The following OOSP3 variants were observed in gnomAD, a reference collection of about 807,000 sequenced individuals.
OOSP3 encodes the protein oocyte-secreted protein 3.
intron 2 of OOSP3, among the ~76,000 whole-genome samples, chr11:59,891,258 T>C (rs1853309728): frequency 6.6e-6 from 1 of 152,238 alleles, no homozygotes. Flanking sequence ...TTACCCACTT[T>C]CTGAAGCCTA....
chr11:59,892,879 A>AT (rs373732896), intron 2 of OOSP3, among the ~76,000 whole-genome samples: 11 of 148,326 alleles, frequency 7.4e-5, no homozygotes, highest in Admixed American at 3.4e-4. Context: ...AGATTCTATC[A>AT]TTTTTTTCTT....
chr11:59,880,976 T>G (rs536768932), intron 2 of OOSP3, among the ~76,000 whole-genome samples: 2 of 152,322 alleles, frequency 1.3e-5, no homozygotes, highest in South Asian at 4.1e-4. Flanking sequence ...ATGTTGTTTC[T>G]AATTTTGACA....
At chr11:59,884,896 C>A (rs187948162) in intron 2 of OOSP3, among the ~76,000 whole-genome samples, 5 of 152,146 alleles carry the variant, frequency 3.3e-5, no homozygotes, top group African/African-American at 1.2e-4. Flanking sequence ...CTAGCTAGAA[C>A]CTCCAGTACA....
At chr11:59,888,437 G>A (rs971955357) in intron 2 of OOSP3, among the ~76,000 whole-genome samples, 1 of 152,132 alleles carries the variant, frequency 6.6e-6, no homozygotes, top group Non-Finnish European at 1.5e-5. Flanking sequence ...CTGTGGGTTT[G>A]TCATAAATGG....
At chr11:59,886,194 T>C (rs1439568472) in intron 2 of OOSP3, among the ~76,000 whole-genome samples, 4 of 152,210 alleles carry the variant, frequency 2.6e-5, no homozygotes, top group Non-Finnish European at 5.9e-5. Flanking sequence ...GGCTTCCAGC[T>C]TCACCTAAGT....
chr11:59,880,837 G>T (rs1163777475), intron 2 of OOSP3, among the ~76,000 whole-genome samples: 1 of 152,134 alleles, frequency 6.6e-6, no homozygotes, highest in Admixed American at 6.5e-5. Flanking sequence ...TTGGTAAATT[G>T]GGATTTACAT....
intron 2 of OOSP3, among the ~76,000 whole-genome samples, chr11:59,881,802 C>T (rs1165203630): frequency 6.6e-6 from 1 of 151,928 alleles, no homozygotes; most frequent in African/African-American, 2.4e-5. Flanking sequence ...ACCTGGGAGG[C>T]AGAGGTTGCA....
At chr11:59,880,183 G>T (rs1048335494) in intron 1 of OOSP3, 78 bp from the exon 2 acceptor site, 1 of 396,872 alleles carries the variant, frequency 2.5e-6, no homozygotes, top group Non-Finnish European at 4.4e-6. Flanking sequence ...GTTTAAATAT[G>T]CTATGTTCAG....
chr11:59,880,301 T>A (rs1460558933), exon 2 of OOSP3: 8 of 398,474 alleles, frequency 2.0e-5, no homozygotes, highest in Non-Finnish European at 3.5e-5. Flanking sequence ...GGGTTGTGGC[T>A]GAACCAACTT....
chr11:59,892,093 G>C (rs77174541), intron 2 of OOSP3, among the ~76,000 whole-genome samples: 6 of 152,302 alleles, frequency 3.9e-5, no homozygotes, highest in African/African-American at 1.4e-4. Flanking sequence ...CTGCCTGAGC[G>C]GCTGCTGACC....
At chr11:59,890,271 T>G (rs1035414738) in intron 2 of OOSP3, among the ~76,000 whole-genome samples, 2 of 152,226 alleles carry the variant, frequency 1.3e-5, no homozygotes, top group Non-Finnish European at 2.9e-5. Flanking sequence ...ATTTAGCACA[T>G]TTACATTTAA....
rs1349478877 is a variant in OOSP3 at position 59,895,703 on chromosome 11, T to C, written c.501+51T>C. 11 of 398,144 alleles carry C rather than the reference T, an allele frequency of 2.8e-5. No individual in the cohort carries two copies. The East Asian group carries it at 3.9e-4, about 14-fold the overall frequency. 24.7% of individuals were successfully genotyped at this position (398,144 alleles called of 1,614,324 possible). On this transcript the variant is annotated intron_variant, in intron 4 of 4. Coordinates refer to ENST00000646438, the Ensembl canonical transcript of OOSP3. ...CATGGCAGTGTCCATGTAGAAATGATCGTATTGACATAAGGAAGTAAAAGC... is the reference window on the plus strand; with the variant it reads ...CATGGCAGTGTCCATGTAGAAATGACCGTATTGACATAAGGAAGTAAAAGC...
intron 2 of OOSP3, among the ~76,000 whole-genome samples, chr11:59,886,422 T>A (rs1239224413): frequency 6.6e-6 from 1 of 152,202 alleles, no homozygotes; most frequent in Non-Finnish European, 1.5e-5. Context: ...AGGGATTGTT[T>A]GATCAAATGC....
intron 2 of OOSP3, among the ~76,000 whole-genome samples, chr11:59,882,273 T>G (rs1012158779): frequency 6.6e-6 from 1 of 151,942 alleles, no homozygotes; most frequent in Non-Finnish European, 1.5e-5. Context: ...GATTTTTTTT[T>G]TTCCCCCCTG....
chr11:59,889,708 C>T (rs941567334), intron 2 of OOSP3, among the ~76,000 whole-genome samples: 1 of 151,512 alleles, frequency 6.6e-6, no homozygotes, highest in African/African-American at 2.4e-5. Flanking sequence ...GTTTTACTTT[C>T]AATTATGTGA....
chr11:59,895,813 A>C (rs976855398), intron 4 of OOSP3, among the ~76,000 whole-genome samples, 161 bp downstream of exon 4: 1 of 152,228 alleles, frequency 6.6e-6, no homozygotes, highest in Non-Finnish European at 1.5e-5. Context: ...AATCCTGTTT[A>C]GAAAAAATGC....
chr11:59,895,642 A>G (rs1853349240), exon 4 of OOSP3: 2 of 398,454 alleles, frequency 5.0e-6, no homozygotes, highest in East Asian at 7.1e-5. Context: ...CCATATTTTC[A>G]AAACTCCTCG....
intron 2 of OOSP3, among the ~76,000 whole-genome samples, chr11:59,880,730 A>G (rs186569053): frequency 9.2e-5 from 14 of 152,334 alleles, no homozygotes; most frequent in Admixed American, 3.9e-4. Flanking sequence ...TAAAGCAGGC[A>G]TTGTTCCTAG....
At chr11:59,892,842 A>G (rs1439212577) in intron 2 of OOSP3, among the ~76,000 whole-genome samples, 1 of 152,210 alleles carries the variant, frequency 6.6e-6, no homozygotes, top group East Asian at 1.9e-4. Context: ...ACAAGTTAAA[A>G]ATGCCAAAAA....
Sources: gnomAD v4.1 joint callset for allele counts (sites outside exome capture counted in the v4.1 genomes callset) on GRCh38, gnomAD v4.1.1 for gene constraint, MANE v1.5 for transcripts, NCBI Gene and HGNC (gene_info 2026-07-23, HGNC 2026-07-21) for gene names.